NIPSNAP1: variants seen among roughly 807,000 people sequenced by gnomAD.
NIPSNAP1 encodes the protein nipsnap homolog 1.
Under a neutral mutation model 49.2 loss-of-function variants are expected in NIPSNAP1, and 25 were observed. That is an observed-to-expected ratio of 0.51 (90% CI 0.37 to 0.71). NIPSNAP1 has a LOEUF of 0.71. Among genes scored for constraint, NIPSNAP1 ranks in the 30% least tolerant of loss-of-function variants. The pLI is 0.00. For synonymous variants in NIPSNAP1, 143 were observed against 140.7 expected, an observed-to-expected ratio of 1.02 and a Z score of -0.12; for missense variants, 294 against 361.0, an observed-to-expected ratio of 0.81 and a Z score of 1.50.
chr22:29,562,487 G>A (rs2146604558), intron 4 of NIPSNAP1, among the ~76,000 whole-genome samples: 1 of 152,266 alleles, frequency 6.6e-6, no homozygotes, highest in Non-Finnish European at 1.5e-5. Flanking sequence ...GCTGAGGTGG[G>A]TGGAGACCAG....
At chr22:29,572,798 C>CA (rs2064419756) in intron 1 of NIPSNAP1, among the ~76,000 whole-genome samples, 1 of 138,008 alleles carries the variant, frequency 7.2e-6, no homozygotes, top group African/African-American at 2.6e-5. Context: ...GACTCTATCT[C>CA]AAAAAAATAA....
In NIPSNAP1 at chr22:29,555,186, T is replaced by G. The variant is rs1732131385; in HGVS notation, c.*749A>C. 1 of 152,596 alleles carries G rather than the reference T, an allele frequency of 6.6e-6. No homozygotes were observed. Among genetic ancestry groups the G allele is most frequent in the South Asian group, 2.1e-4 (1 of 4,844 alleles). The allele number at this position is 152,596 out of a possible 1,614,324, so 9.5% of individuals were successfully genotyped here. On this transcript the variant is annotated 3_prime_UTR_variant, in exon 10 of 10. Transcript: ENST00000216121. ...CTCCATCTGTCTAGTATTAGGAACC[T>G]CTCTTCAAGTGGTCTTTTGTCATCT...
chr22:29,559,224 T>G (rs1482506678), intron 8 of NIPSNAP1, among the ~76,000 whole-genome samples: 6 of 134,902 alleles, frequency 4.4e-5, no homozygotes, highest in Non-Finnish European at 9.4e-5. Context: ...ACATCTCTAC[T>G]TTGGTGTGTC....
At chr22:29,563,532 A>G (rs1277276433) in intron 4 of NIPSNAP1, among the ~76,000 whole-genome samples, 1 of 152,210 alleles carries the variant, frequency 6.6e-6, no homozygotes, top group Admixed American at 6.5e-5. Flanking sequence ...GTCTCAAAAA[A>G]TAAATAAATA....
At chr22:29,560,086 C>G (rs886779347) in intron 8 of NIPSNAP1, among the ~76,000 whole-genome samples, 2 of 152,188 alleles carry the variant, frequency 1.3e-5, no homozygotes, top group African/African-American at 4.8e-5. Flanking sequence ...GCATGTGCTG[C>G]TCTGTCTACT....
chr22:29,562,076 G>C (rs1270888948), intron 4 of NIPSNAP1, among the ~76,000 whole-genome samples: 2 of 152,134 alleles, frequency 1.3e-5, no homozygotes, highest in Non-Finnish European at 1.5e-5. Context: ...TTGAGCTCCA[G>C]CTCTGCCCAG....
intron 1 of NIPSNAP1, among the ~76,000 whole-genome samples, chr22:29,573,820 T>G (rs2146615103): frequency 6.7e-6 from 1 of 149,476 alleles, no homozygotes; most frequent in Admixed American, 6.7e-5. Context: ...GCGCCTGTAG[T>G]CCCAGCTACT....
rs2064280213 is a variant in NIPSNAP1 at position 29,555,118 on chromosome 22, A to G, written c.*817T>C. ...ATAGAAGGACTGGAACTACACATTT[A>G]AGTTTTCAACCCCAATATGCAGGGG... is the stretch of plus-strand genomic sequence containing the variant. On this transcript the variant is annotated 3_prime_UTR_variant, in exon 10 of 10. Coordinates refer to ENST00000216121, the MANE Select transcript of NIPSNAP1 (RefSeq NM_003634.4). 6.6e-6 allele frequency: 1 copy of G among 152,462 alleles called. No homozygotes were observed. Among genetic ancestry groups the G allele is most frequent in the Non-Finnish European group, 1.5e-5 (1 of 68,152 alleles). The allele number at this position is 152,462 out of a possible 1,614,324, so 9.4% of individuals were successfully genotyped here. A position where few individuals can be genotyped will look rare whatever the true frequency, so the allele number is the denominator to read the frequency against.
intron 9 of NIPSNAP1, 105 bp from the exon 10 acceptor site, chr22:29,556,104 C>G (rs935373511): frequency 1.1e-6 from 1 of 909,172 alleles, no homozygotes; most frequent in African/African-American, 1.6e-5. Flanking sequence ...GGAGGAGGCC[C>G]CAGATGCTGC....
intron 6 of NIPSNAP1, 94 bp from the exon 7 acceptor site, chr22:29,561,296 C>T (rs2064333693): frequency 2.0e-6 from 3 of 1,523,330 alleles, no homozygotes; most frequent in Non-Finnish European, 2.7e-6. Context: ...CCTGTCTCCC[C>T]ACCTCCCAAG....
At chr22:29,569,109 G>A in intron 4 of NIPSNAP1, 84 bp downstream of exon 4, 1 of 1,027,836 alleles carries the variant, frequency 9.7e-7, no homozygotes, top group African/African-American at 1.6e-5. Flanking sequence ...GTTGTGGAGA[G>A]GGAGTGGAGA....
intron 4 of NIPSNAP1, 75 bp from the exon 5 acceptor site, chr22:29,561,937 T>A: frequency 7.0e-7 from 1 of 1,421,222 alleles, no homozygotes; most frequent in Non-Finnish European, 9.9e-7. Context: ...GTTGGCTAAG[T>A]GGTGGGGACG....
chr22:29,570,278 GC>G, intron 2 of NIPSNAP1, 71 bp from the exon 3 acceptor site: 1 of 1,593,558 alleles, frequency 6.3e-7, no homozygotes, highest in African/African-American at 1.3e-5. Context: ...GGTGAGGGGA[GC>G]CCATCAAGGC....
intron 8 of NIPSNAP1, 106 bp downstream of exon 8, chr22:29,560,628 T>C: frequency 1.1e-6 from 1 of 872,658 alleles, no homozygotes; most frequent in South Asian, 1.3e-5. Context: ...TGTCTCCTGC[T>C]AGAACATTAA....
At chr22:29,570,264 T>G in intron 2 of NIPSNAP1, 57 bp from the exon 3 acceptor site, 1 of 1,606,012 alleles carries the variant, frequency 6.2e-7, no homozygotes. Context: ...AGGGAAGAAC[T>G]TGGGGTGAGG....
intron 1 of NIPSNAP1, among the ~76,000 whole-genome samples, chr22:29,574,319 A>T (rs2146615981): frequency 6.6e-6 from 1 of 150,856 alleles, no homozygotes; most frequent in Non-Finnish European, 1.5e-5. Flanking sequence ...AAAATAAATT[A>T]CTTGTCCCAA....
intron 6 of NIPSNAP1, 45 bp from the exon 7 acceptor site, chr22:29,561,247 G>T: frequency 6.2e-7 from 1 of 1,606,724 alleles, no homozygotes; most frequent in Non-Finnish European, 8.5e-7. Flanking sequence ...CCCCACCTCA[G>T]ATTCATAGCA....
chr22:29,580,266 G>T, intron 1 of NIPSNAP1: 1 of 1,273,506 alleles, frequency 7.9e-7, no homozygotes, highest in Non-Finnish European at 1.0e-6. Flanking sequence ...ACAGGGCTGT[G>T]GGGACCAAGG....
chr22:29,561,646 C>A lies in NIPSNAP1; in HGVS notation c.439G>T (p.Glu147Ter). ...CGCTCCCTTCGGAACTCCAGGTACT[C>A]CTGTGGGCATGGTGGTAAAGGCATG... ...DCMNKLKNNK[E>*]YLEFRRERSQ... Residue 147 changes from glutamate to a stop codon, truncating the protein, a stop_gained and splice_region_variant, in exon 6 of 10, where the codon GAG (glutamate) becomes TAG (stop). Coordinates refer to ENST00000216121, the MANE Select transcript of NIPSNAP1 (RefSeq NM_003634.4). LOFTEE classifies it high-confidence loss of function. 1 of 1,614,028 alleles carries A rather than the reference C, an allele frequency of 6.2e-7. No homozygotes were observed. Among genetic ancestry groups the A allele is most frequent in the Non-Finnish European group, 8.5e-7 (1 of 1,180,038 alleles).
Sources: allele counts gnomAD v4.1 joint callset (sites outside exome capture counted in the v4.1 genomes callset), GRCh38; gene constraint gnomAD v4.1.1; transcripts MANE v1.5; gene names NCBI Gene and HGNC (gene_info 2026-07-23, HGNC 2026-07-21).